HIGD1C: variants seen among roughly 807,000 people sequenced by gnomAD.
The protein encoded by HIGD1C is HIG1 domain family member 1C.
Under a neutral mutation model 13.1 loss-of-function variants are expected in HIGD1C, and 11 were observed. The ratio of observed to expected loss-of-function variants is 0.84; its 90% CI spans 0.53 to 1.39. The LOEUF (loss-of-function observed/expected upper bound fraction) is 1.39. HIGD1C is among the 40% of genes most tolerant of loss of function. The probability of loss-of-function intolerance (pLI) is 0.00; values close to 1 mark genes in which losing one functional copy is unlikely to be tolerated. For missense variants in HIGD1C, 110 were observed against 112.0 expected, an observed-to-expected ratio of 0.98 and a Z score of 0.08; for synonymous variants, 36 against 37.7, an observed-to-expected ratio of 0.95 and a Z score of 0.17.
At chr12:50,967,550 A>C (rs968188474) in intron 2 of HIGD1C, among the ~76,000 whole-genome samples, 1 of 152,160 alleles carries the variant, frequency 6.6e-6, no homozygotes, top group Non-Finnish European at 1.5e-5. Flanking sequence ...TGCTGGGATG[A>C]CAGGTATAAG....
chr12:50,948,136 T>C, the HIGD1C span, among the ~76,000 whole-genome samples: 1 of 152,208 alleles, frequency 6.6e-6, no homozygotes. Context: ...AAAATTATAA[T>C]TTCTATTTCT....
chr12:50,943,637 G>A, the HIGD1C span, among the ~76,000 whole-genome samples: 58 of 151,896 alleles, frequency 3.8e-4, no homozygotes, highest in Middle Eastern at 3.4e-3. Context: ...GTGAACCCTG[G>A]GGGCGGAGCC....
chr12:50,932,190 T>C, the HIGD1C span: 1 of 152,250 alleles, frequency 6.6e-6, no homozygotes, highest in African/African-American at 2.4e-5. Context: ...CCTTGAATAA[T>C]TAGGTATCCT....
chr12:50,964,276 C>A (rs780647364), intron 2 of HIGD1C, among the ~76,000 whole-genome samples: 6 of 152,242 alleles, frequency 3.9e-5, no homozygotes, highest in Admixed American at 1.3e-4. Flanking sequence ...TATTCATCCA[C>A]TACACATTTC....
chr12:50,943,142 G>C, the HIGD1C span, among the ~76,000 whole-genome samples: 1 of 152,094 alleles, frequency 6.6e-6, no homozygotes, highest in Non-Finnish European at 1.5e-5. Flanking sequence ...TGGGATTACA[G>C]ACACGAGCCA....
At chr12:50,945,420 A>G in the HIGD1C span, among the ~76,000 whole-genome samples, 11 of 152,212 alleles carry the variant, frequency 7.2e-5, no homozygotes, top group African/African-American at 2.4e-4. Context: ...AAAAATCATA[A>G]GCATTCCTAT....
At chr12:50,956,983 T>G (rs1247524196) in intron 1 of HIGD1C, among the ~76,000 whole-genome samples, 1 of 144,674 alleles carries the variant, frequency 6.9e-6, no homozygotes, top group Non-Finnish European at 1.5e-5. Context: ...ACCATCATCA[T>G]TTTGTTATTT....
intron 2 of HIGD1C, among the ~76,000 whole-genome samples, chr12:50,964,582 C>G (rs12823317): frequency 0.35 from 53,019 of 152,020 alleles, 9,638 homozygotes; most frequent in East Asian, 0.61. Flanking sequence ...TTATGACATA[C>G]GGCTGGAGAG....
intron 2 of HIGD1C, among the ~76,000 whole-genome samples, chr12:50,963,028 GA>G (rs34727300): frequency 0.48 from 72,261 of 151,812 alleles, 18,184 homozygotes; most frequent in South Asian, 0.65. Context: ...TCTTGCTTAT[GA>G]AATCTGGAGC....
intron 1 of HIGD1C, among the ~76,000 whole-genome samples, chr12:50,956,894 A>T (rs533115591): frequency 1.3e-5 from 2 of 152,098 alleles, no homozygotes; most frequent in Non-Finnish European, 2.9e-5. Context: ...CATTTGTTAT[A>T]TATTTCCAGA....
chr12:50,940,965 T>A, the HIGD1C span, among the ~76,000 whole-genome samples: 1 of 151,710 alleles, frequency 6.6e-6, no homozygotes, highest in Non-Finnish European at 1.5e-5. Flanking sequence ...CCACCTTAAC[T>A]TCCCAAGTAG....
chr12:50,942,158 A>G, the HIGD1C span, among the ~76,000 whole-genome samples: 1 of 152,162 alleles, frequency 6.6e-6, no homozygotes, highest in Non-Finnish European at 1.5e-5. Flanking sequence ...CTGGGATTAC[A>G]GGCGTGAGCC....
upstream of HIGD1C, among the ~76,000 whole-genome samples, chr12:50,952,779 T>C (rs1415613730): frequency 6.6e-6 from 1 of 152,216 alleles, no homozygotes; most frequent in Non-Finnish European, 1.5e-5. Flanking sequence ...GCACCTCCTC[T>C]GGCTAGGGCG....
intron 1 of HIGD1C, 50 bp from the exon 4 acceptor site, chr12:50,960,918 G>T: frequency 7.0e-7 from 1 of 1,425,204 alleles, no homozygotes; most frequent in African/African-American, 1.4e-5. Context: ...GGTCTCACAC[G>T]ATGCTCCTGC....
rs750613722 is a variant in HIGD1C, at chr12:50,960,966, A to G, written c.95-2A>G. 1 of 1,567,540 alleles carries G rather than the reference A, an allele frequency of 6.4e-7. No individual in the cohort carries two copies. Among genetic ancestry groups the G allele is most frequent in the Non-Finnish European group, 8.7e-7 (1 of 1,155,190 alleles). On this transcript the variant is annotated splice_acceptor_variant, in intron 1 of 2. Coordinates refer to ENST00000398455, the Ensembl canonical transcript of HIGD1C. LOFTEE classifies it high-confidence loss of function. ...AATAACCCATACTTTTAAAATTCAC[A>G]GGTATAGCAGGCTTTGTGACTGTGG...
chr12:50,961,068 T>G, exon 2 of HIGD1C: 1 of 1,613,964 alleles, frequency 6.2e-7, no homozygotes, highest in Non-Finnish European at 8.5e-7. Context: ...TGAGAGTTGC[T>G]GCCCAAGGAT....
At chr12:50,940,908 G>C in the HIGD1C span, among the ~76,000 whole-genome samples, 5 of 151,478 alleles carry the variant, frequency 3.3e-5, no homozygotes, top group Admixed American at 2.6e-4. Context: ...GCAGTGATAC[G>C]ATCACAGCTC....
At chr12:50,960,584 A>C (rs1245982422) in intron 1 of HIGD1C, among the ~76,000 whole-genome samples, 6 of 152,132 alleles carry the variant, frequency 3.9e-5, no homozygotes, top group Non-Finnish European at 1.5e-5. Context: ...TCTTTGCTGG[A>C]GTCTTTCCTG....
chr12:50,933,818 G>T, the HIGD1C span, among the ~76,000 whole-genome samples: 4 of 152,166 alleles, frequency 2.6e-5, no homozygotes, highest in Non-Finnish European at 5.9e-5. Context: ...CCAAGGATGG[G>T]GACTGAATTA....
Sources: allele counts gnomAD v4.1 joint callset (sites outside exome capture counted in the v4.1 genomes callset), GRCh38; gene constraint gnomAD v4.1.1; transcripts MANE v1.5; gene names NCBI Gene and HGNC (gene_info 2026-07-23, HGNC 2026-07-21).